The following CEP295 variants were observed in gnomAD, a reference collection of about 807,000 sequenced individuals.
The protein encoded by CEP295 is centrosomal protein 295.
In CEP295, 190 loss-of-function variants were observed where a neutral mutation model predicts 291.6. The observed-to-expected ratio is 0.65, with a 90% CI of 0.58 to 0.73. The LOEUF is 0.73. CEP295 is among the 30% of genes least tolerant of loss of function. The probability of loss-of-function intolerance (pLI) is 0.00; values close to 1 mark genes in which losing one functional copy is unlikely to be tolerated. For synonymous variants in CEP295, 993 were observed against 1,038.8 expected, an observed-to-expected ratio of 0.96 and a Z score of 0.85; for missense variants, 2,863 against 2,949.4, an observed-to-expected ratio of 0.97 and a Z score of 0.68.
chr11:93,681,389 A>G lies in CEP295; in HGVS notation c.765+1837A>G, dbSNP rs1210070767. On this transcript the variant is annotated intron_variant, in intron 7 of 29. Coordinates refer to ENST00000325212, the MANE Select transcript of CEP295 (RefSeq NM_033395.2). Reference sequence around the variant, plus strand: ...GTAGCTGGGACTACAGGCTCGCGTCACCACACCCAGCTAATTTTTTTTTTT... The same window carrying G: ...GTAGCTGGGACTACAGGCTCGCGTCGCCACACCCAGCTAATTTTTTTTTTT... Among the ~76,000 whole-genome samples the G allele has an allele frequency of 4.2e-5, 5 of 119,890 alleles. No homozygotes were observed. The East Asian group carries it at 1.3e-3, about 30-fold the overall frequency. The allele number at this position is 119,890 out of a possible 152,430, so 78.7% of individuals were successfully genotyped here. A position where few individuals can be genotyped will look rare whatever the true frequency, so the allele number is the denominator to read the frequency against.
At chr11:93,729,198 A>G in intron 25 of CEP295, 1 of 576,266 alleles carries the variant, frequency 1.7e-6, no homozygotes, top group Non-Finnish European at 3.1e-6. Context: ...ACAGAGGCCT[A>G]GAGGTGTGAG....
intron 12 of CEP295, among the ~76,000 whole-genome samples, chr11:93,692,848 C>G (rs1032435298): frequency 8.6e-5 from 13 of 151,428 alleles, no homozygotes; most frequent in East Asian, 7.8e-4. Context: ...TGACACAAAT[C>G]TGTAGTCCCA....
chr11:93,691,793 AT>A lies in CEP295; in HGVS notation c.1429+19del, dbSNP rs1951564043. On this transcript the variant is annotated intron_variant, in intron 11 of 29. Transcript: ENST00000325212. Reference sequence around the variant, plus strand: ...AGAACAAGGTATTTCTTTTTATCACATCCTCAAATTAAATTTGACTCCTTGC... The same window carrying A: ...AGAACAAGGTATTTCTTTTTATCACACCTCAAATTAAATTTGACTCCTTGC... The A allele has an allele frequency of 6.8e-7, 1 of 1,466,254 alleles. No individual in the cohort carries two copies. 90.8% of individuals were successfully genotyped at this position (1,466,254 alleles called of 1,614,324 possible). A position where few individuals can be genotyped will look rare whatever the true frequency, so the allele number is the denominator to read the frequency against.
rs767499099 is a variant in CEP295, at chr11:93,668,938, G to C, written c.434+6G>C. The C allele has an allele frequency of 1.9e-5, 21 of 1,081,936 alleles. No homozygotes were observed. Among genetic ancestry groups the C allele is most frequent in the Admixed American group, 2.7e-5 (1 of 36,784 alleles). 67.0% of individuals were successfully genotyped at this position (1,081,936 alleles called of 1,614,324 possible). The stretch of plus-strand genomic sequence containing the variant: ...TTACTGAAACAAAAAACCTGGTAAA[G>C]TAATAATTTTTACTATAATCTCAAC... On this transcript the variant is annotated splice_donor_region_variant and intron_variant, in intron 4 of 29. Transcript: ENST00000325212.
chr11:93,721,889 G>T (rs1953758186), intron 19 of CEP295, 65 bp from the exon 20 acceptor site: 1 of 1,065,154 alleles, frequency 9.4e-7, no homozygotes, highest in Non-Finnish European at 1.5e-6. Flanking sequence ...GCTGGGGTTG[G>T]TGATTTGGGG....
rs758898316 is a variant in CEP295, at chr11:93,697,297, T to C, written c.2385T>C (p.Phe795=). The C allele has an allele frequency of 6.4e-7, 1 of 1,551,830 alleles. No individual in the cohort carries two copies. Among genetic ancestry groups the C allele is most frequent in the South Asian group, 1.2e-5 (1 of 84,068 alleles). Reference sequence around the variant, plus strand: ...TACCACTGGTACCTCAGCATTCTTTTAGTTCTCTGCCTGTTAAAGTTGAGT... The same window carrying C: ...TACCACTGGTACCTCAGCATTCTTTCAGTTCTCTGCCTGTTAAAGTTGAGT... ...SFVPLVPQHS[F]SSLPVKVESG... The change falls in exon 15 of 30, where the codon TTT becomes TTC. Residue 795 remains phenylalanine, a synonymous_variant. Coordinates refer to ENST00000325212, the MANE Select transcript of CEP295 (RefSeq NM_033395.2).
Position 93,706,782 on chromosome 11 carries a change from A to C in CEP295, c.5634A>C (p.Arg1878=), listed in dbSNP as rs1236241447. ...PGIYEDRDPL[R]VSISREQSFF... ...TTTATGAAGACAGAGACCCCCTGCG[A>C]GTCTCAATAAGCCGAGAACAAAGTT... Residue 1878 remains arginine (R), a synonymous_variant, in exon 18 of 30, where the codon CGA becomes CGC. Transcript: ENST00000325212. The C allele has an allele frequency of 1.3e-6, 2 of 1,549,216 alleles. No individual in the cohort carries two copies. Among genetic ancestry groups the C allele is most frequent in the Admixed American group, 4.0e-5 (2 of 50,382 alleles).
At chr11:93,724,219 C>T (rs1001088577) in intron 21 of CEP295, 35 bp from the exon 22 acceptor site, 14 of 1,516,974 alleles carry the variant, frequency 9.2e-6, no homozygotes, top group East Asian at 2.5e-5. Context: ...ATTTTTTTCC[C>T]TCAAAAATTC....
At chr11:93,666,565 G>T (rs917271003) in intron 1 of CEP295, 117 bp from the exon 2 acceptor site, 5 of 517,936 alleles carry the variant, frequency 9.7e-6, no homozygotes, top group Middle Eastern at 5.3e-4. Flanking sequence ...CTGCCCTCCA[G>T]CCTGGGTGAC....
intron 18 of CEP295, among the ~76,000 whole-genome samples, chr11:93,713,999 G>T (rs576659053): frequency 6.6e-6 from 1 of 152,168 alleles, no homozygotes; most frequent in South Asian, 2.1e-4. Flanking sequence ...ATTTCTGCTT[G>T]ATTCTTTTTA....
intron 4 of CEP295, among the ~76,000 whole-genome samples, chr11:93,669,469 C>T (rs114172262): frequency 6.6e-6 from 1 of 151,288 alleles, no homozygotes; most frequent in African/African-American, 2.4e-5. Flanking sequence ...TGGTCCCCAC[C>T]ATAGAGCTTT....
intron 12 of CEP295, among the ~76,000 whole-genome samples, chr11:93,692,920 T>C (rs1591042974): frequency 6.8e-6 from 1 of 147,890 alleles, no homozygotes; most frequent in East Asian, 2.0e-4. Flanking sequence ...CTGCAATGAG[T>C]CAAGATCACA....
In CEP295 at chr11:93,683,944, C is replaced by G. The variant is rs1400534466; in HGVS notation, c.950-20C>G. 2.0e-6 allele frequency: 3 copies of G among 1,536,798 alleles called. No individual in the cohort carries two copies. Among genetic ancestry groups the G allele is most frequent in the Admixed American group, 2.1e-5 (1 of 47,422 alleles). ...TAATCATTTTGGAATGGAAACGTGTCTCTATTTTTCTTTTTTAAGAGGTGA... is the reference window on the plus strand; with the variant it reads ...TAATCATTTTGGAATGGAAACGTGTGTCTATTTTTCTTTTTTAAGAGGTGA... On this transcript the variant is annotated intron_variant, in intron 8 of 29. Coordinates refer to ENST00000325212, the MANE Select transcript of CEP295 (RefSeq NM_033395.2).
At chr11:93,679,615 AT>A in intron 7 of CEP295, 63 bp downstream of exon 7, 2 of 1,349,462 alleles carry the variant, frequency 1.5e-6, no homozygotes, top group Non-Finnish European at 1.0e-6. Flanking sequence ...TGCAGGACTG[AT>A]TAGTGAATGA....
Position 93,699,873 on chromosome 11 carries a change from C to A in CEP295, c.4961C>A (p.Ser1654Ter). Reference protein sequence around the residue: ...SLFLPKETEHSFIPLPFAEAK... With the variant: ...SLFLPKETEH ...TTTCTACCCAAGGAAACAGAGCATTCGTTTATTCCACTACCTTTTGCAGAA... is the reference window on the plus strand; with the variant it reads ...TTTCTACCCAAGGAAACAGAGCATTAGTTTATTCCACTACCTTTTGCAGAA... Residue 1654 changes from serine to a stop codon, truncating the protein, a stop_gained, in exon 15 of 30, where the codon TCG becomes TAG. Coordinates refer to ENST00000325212, the MANE Select transcript of CEP295 (RefSeq NM_033395.2). LOFTEE classifies it high-confidence loss of function. The A allele has an allele frequency of 6.4e-7, 1 of 1,552,014 alleles. No homozygotes were observed.
intron 15 of CEP295, among the ~76,000 whole-genome samples, chr11:93,701,754 C>T (rs1952176053): frequency 6.6e-6 from 1 of 151,854 alleles, no homozygotes; most frequent in African/African-American, 2.4e-5. Flanking sequence ...CAGGCATGCA[C>T]CACCATGCCC....
intron 1 of CEP295, among the ~76,000 whole-genome samples, chr11:93,664,120 T>C (rs1464415697): frequency 6.6e-6 from 1 of 152,234 alleles, no homozygotes. Flanking sequence ...TCTATGAGAT[T>C]CATCAGGAAT....
chr11:93,678,932 C>G (rs1950829896), intron 6 of CEP295, among the ~76,000 whole-genome samples: 1 of 152,148 alleles, frequency 6.6e-6, no homozygotes, highest in Non-Finnish European at 1.5e-5. Context: ...TCTTAGTTTA[C>G]TGGAACTTCC....
chr11:93,681,384 G>T (rs1311940900), intron 7 of CEP295, among the ~76,000 whole-genome samples: 1 of 123,410 alleles, frequency 8.1e-6, no homozygotes. Context: ...CTACAGGCTC[G>T]CGTCACCACA....
Sources: gnomAD v4.1 joint callset for allele counts (sites outside exome capture counted in the v4.1 genomes callset) on GRCh38, gnomAD v4.1.1 for gene constraint, MANE v1.5 for transcripts, NCBI Gene and HGNC (gene_info 2026-07-23, HGNC 2026-07-21) for gene names.